The following ZNF345 variants were observed in gnomAD, a reference collection of about 807,000 sequenced individuals.
ZNF345 encodes zinc finger protein 345.
For synonymous variants in ZNF345, 166 were observed against 187.9 expected (o/e 0.88, Z 0.95); for missense variants, 527 against 589.9 (o/e 0.89, Z 1.10).
intron 2 of ZNF345, among the ~76,000 whole-genome samples, chr19:36,858,906 T>C (rs941903628): frequency 2.0e-5 from 3 of 152,184 alleles, no homozygotes; most frequent in Admixed American, 1.3e-4. Context: ...ATCAAAGTCA[T>C]GTATCAAGGA....
At chr19:36,890,730 C>T (rs566956525) in intron 3 of ZNF345, 1 of 151,350 alleles carries the variant, frequency 6.6e-6, no homozygotes, top group Admixed American at 6.6e-5. Flanking sequence ...GTGGCGCATG[C>T]CTGTAATCCC....
intron 2 of ZNF345, among the ~76,000 whole-genome samples, chr19:36,861,158 TTC>T (rs1202650381): frequency 6.6e-6 from 1 of 152,230 alleles, no homozygotes; most frequent in Non-Finnish European, 1.5e-5. Flanking sequence ...TCTGGCTGGC[TTC>T]TGTGTTCCTT....
intron 2 of ZNF345, among the ~76,000 whole-genome samples, chr19:36,868,020 T>G (rs1028230789): frequency 6.7e-6 from 1 of 150,052 alleles, no homozygotes; most frequent in African/African-American, 2.5e-5. Context: ...TTTTTTTTTT[T>G]GAGTCAGAGT....
chr19:36,873,089 TTTA>T, intron 2 of ZNF345, among the ~76,000 whole-genome samples: 1 of 152,286 alleles, frequency 6.6e-6, no homozygotes. Flanking sequence ...TTAAAGATAT[TTTA>T]TTATTTACTT....
intron 2 of ZNF345, among the ~76,000 whole-genome samples, chr19:36,855,571 G>T (rs1280873129): frequency 1.4e-5 from 2 of 147,126 alleles, no homozygotes; most frequent in East Asian, 4.2e-4. Context: ...TCCTGCTTCA[G>T]CCTCCCGAGT....
intron 3 of ZNF345, among the ~76,000 whole-genome samples, chr19:36,887,958 A>C (rs112416579): frequency 0.014 from 2,080 of 152,326 alleles, 15 homozygotes; most frequent in African/African-American, 0.024. Flanking sequence ...AAATTTTACT[A>C]CATGTGAAAA....
At chr19:36,858,596 G>A (rs2072475660) in intron 2 of ZNF345, among the ~76,000 whole-genome samples, 5 of 151,932 alleles carry the variant, frequency 3.3e-5, no homozygotes, top group Admixed American at 1.3e-4. Context: ...GTGAAACCCC[G>A]TCTCTACCAA....
At chr19:36,864,723 G>A (rs546707304) in intron 2 of ZNF345, among the ~76,000 whole-genome samples, 1 of 152,204 alleles carries the variant, frequency 6.6e-6, no homozygotes, top group Non-Finnish European at 1.5e-5. Context: ...ACCGTCAGAT[G>A]TAACTACACT....
At chr19:36,871,757 T>C (rs1463619364) in intron 2 of ZNF345, among the ~76,000 whole-genome samples, 1 of 152,010 alleles carries the variant, frequency 6.6e-6, no homozygotes, top group African/African-American at 2.4e-5. Context: ...TTTTGTTTTA[T>C]ATGACTTTGA....
At chr19:36,892,796 A>ATT (rs774351036) in intron 3 of ZNF345, 2 of 567,752 alleles carry the variant, frequency 3.5e-6, no homozygotes, top group African/African-American at 3.9e-5. Context: ...AAAAAAAAAA[A>ATT]TTTTTTTTGC....
downstream of ZNF345, among the ~76,000 whole-genome samples, chr19:36,884,224 C>G (rs189437300): frequency 3.5e-4 from 53 of 152,232 alleles, 1 homozygote; most frequent in South Asian, 0.011. Flanking sequence ...CACCACCATG[C>G]CCAGCTAAAT....
chr19:36,877,042 T>G lies in ZNF345; in HGVS notation c.212T>G (p.Phe71Cys). 1 of 1,614,188 alleles carries G rather than the reference T, an allele frequency of 6.2e-7. No individual in the cohort carries two copies. Among genetic ancestry groups the G allele is most frequent in the South Asian group, 1.1e-5 (1 of 91,088 alleles). Residue 71 changes from phenylalanine to cysteine, a missense_variant, in exon 3 of 3, where the codon TTT (phenylalanine) becomes TGT (cysteine). By Grantham distance (205) the Phe-to-Cys change is radical. Transcript: ENST00000420450. The part of the protein sequence containing the change: ...LLECKECGKD[F>C]SFVSVLVRHQ... The stretch of plus-strand genomic sequence containing the variant: ...GAATGTAAGGAATGTGGGAAGGATT[T>G]TAGTTTTGTATCAGTCCTTGTTCGA...
chr19:36,857,140 G>T (rs888604183), intron 2 of ZNF345, among the ~76,000 whole-genome samples: 1 of 151,982 alleles, frequency 6.6e-6, no homozygotes, highest in Admixed American at 6.6e-5. Flanking sequence ...TGGCCTCATA[G>T]AGTTATTTCA....
At chr19:36,875,971 T>G (rs866227230) in intron 2 of ZNF345, among the ~76,000 whole-genome samples, 4 of 152,118 alleles carry the variant, frequency 2.6e-5, no homozygotes, top group Non-Finnish European at 5.9e-5. Context: ...AAAGATGAGG[T>G]TCAGGATATT....
intron 2 of ZNF345, among the ~76,000 whole-genome samples, chr19:36,852,128 C>CTTTTTTTTTTTTTTTTTTTTTTTTT (rs35747733): frequency 2.7e-4 from 28 of 102,692 alleles, no homozygotes; most frequent in East Asian, 5.8e-4. Flanking sequence ...TTCTTTCTTT[C>CTTTTTTTTTTTTTTTTTTTTTTTTT]TTTTTTTTTT....
chr19:36,868,000 G>A (rs1267074819), intron 2 of ZNF345, among the ~76,000 whole-genome samples: 1 of 144,414 alleles, frequency 6.9e-6, no homozygotes, highest in Non-Finnish European at 1.5e-5. Context: ...TATGAGGAGT[G>A]GCTTTTTTTT....
Position 36,877,399 on chromosome 19 carries a change from T to TTC in ZNF345, c.570_571dup (p.Arg191LeufsTer16), listed in dbSNP as rs1246605590. The TTC allele has an allele frequency of 1.9e-6, 3 of 1,613,746 alleles. No individual in the cohort carries two copies. The African/African-American group carries it at 4.0e-5, about 22-fold the overall frequency. On this transcript the variant is annotated frameshift_variant, in exon 3 of 3. Coordinates refer to ENST00000420450, the MANE Select transcript of ZNF345 (RefSeq NM_001242472.2). LOFTEE classifies it low-confidence loss of function (END_TRUNC). Reference sequence around the variant, plus strand: ...TCCTTTAGTTTTGAATCAGCCCTTATTCGGCATCACAGAATTCACACAGGT... The same window carrying TTC: ...TCCTTTAGTTTTGAATCAGCCCTTATTCTCGGCATCACAGAATTCACACAGGT...
Position 36,878,871 on chromosome 19 carries a change from C to G in ZNF345, c.*574C>G, listed in dbSNP as rs928156858. ...TTTTTGTTTTTTTGAGATGGAGTCT[C>G]ACTGTCACCAGGCTGGAGTGCAGTG... is the stretch of plus-strand genomic sequence containing the variant. On this transcript the variant is annotated 3_prime_UTR_variant, in exon 3 of 3. Coordinates refer to ENST00000420450, the MANE Select transcript of ZNF345 (RefSeq NM_001242472.2). 1.1e-4 allele frequency: 19 copies of G among 167,290 alleles called. No individual in the cohort carries two copies. Among genetic ancestry groups the G allele is most frequent in the African/African-American group, 4.3e-4 (18 of 41,490 alleles). The allele number at this position is 167,290 out of a possible 1,614,324, so 10.4% of individuals were successfully genotyped here.
At chr19:36,871,063 A>G (rs1160193615) in intron 2 of ZNF345, among the ~76,000 whole-genome samples, 1 of 152,212 alleles carries the variant, frequency 6.6e-6, no homozygotes, top group African/African-American at 2.4e-5. Flanking sequence ...TATTTCTCAC[A>G]GTTGTGGAGG....
Sources: gnomAD v4.1 joint callset for allele counts (sites outside exome capture counted in the v4.1 genomes callset) on GRCh38, gnomAD v4.1.1 for gene constraint, MANE v1.5 for transcripts, NCBI Gene and HGNC (gene_info 2026-07-23, HGNC 2026-07-21) for gene names.